Variants in ADCY2 observed in about 807,000 individuals in gnomAD.
ADCY2 encodes the protein adenylate cyclase type 2.
A neutral mutation model predicts 125.2 loss-of-function variants in ADCY2; 31 were observed. The ratio of observed to expected loss-of-function variants is 0.25; its 90% CI spans 0.19 to 0.33. The LOEUF is 0.33. Among genes scored for constraint, ADCY2 ranks in the 10% least tolerant of loss-of-function variants. ADCY2 has a pLI of 1.00. For missense variants in ADCY2, 904 were observed against 1,418.2 expected (o/e 0.64, Z 5.82); for synonymous variants, 512 against 548.4 (o/e 0.93, Z 0.93).
At chr5:7,499,915 C>G (rs1166803071) in intron 2 of ADCY2, among the ~76,000 whole-genome samples, 2 of 151,908 alleles carry the variant, frequency 1.3e-5, no homozygotes, top group African/African-American at 4.8e-5. Context: ...ATGGGCTTAA[C>G]TCACTTATAA....
At chr5:7,817,252 T>C (rs1404469813) in intron 23 of ADCY2, among the ~76,000 whole-genome samples, 1 of 152,210 alleles carries the variant, frequency 6.6e-6, no homozygotes, top group African/African-American at 2.4e-5. Flanking sequence ...GCTGATTCAC[T>C]GTGAGACATC....
intron 16 of ADCY2, among the ~76,000 whole-genome samples, chr5:7,758,668 T>G (rs1374698011): frequency 2.0e-5 from 3 of 152,040 alleles, no homozygotes; most frequent in Non-Finnish European, 2.9e-5. Context: ...CTGGGTAACC[T>G]CATCATCAAG....
At chr5:7,516,421 C>T (rs141953594) in intron 2 of ADCY2, among the ~76,000 whole-genome samples, 114 of 152,212 alleles carry the variant, frequency 7.5e-4, no homozygotes, top group East Asian at 1.7e-3. Context: ...TTAGGAATTC[C>T]GGGCTTAACA....
At position 7,787,088 on chromosome 5, in the gene ADCY2, G is replaced by A. The variant is rs536842857; in HGVS notation, c.2470-2554G>A. Among the ~76,000 whole-genome samples, 6 of 152,272 alleles carry A rather than the reference G, an allele frequency of 3.9e-5. No individual in the cohort carries two copies. The East Asian group carries it at 1.2e-3, about 29-fold the overall frequency. On this transcript the variant is annotated intron_variant, in intron 19 of 24. Coordinates refer to ENST00000338316, the MANE Select transcript of ADCY2 (RefSeq NM_020546.3). ...TTCGGTGTCTCTTCATGGGATCTGG[G>A]CCCCTGAAAACCTGTAGAGTAGCCC...
intron 4 of ADCY2, among the ~76,000 whole-genome samples, chr5:7,678,588 T>C (rs780395879): frequency 6.6e-6 from 1 of 152,214 alleles, no homozygotes. Flanking sequence ...CAATCAGTTC[T>C]TCTAATGGAG....
chr5:7,760,813 T>C (rs746058322), intron 16 of ADCY2, among the ~76,000 whole-genome samples: 1 of 152,296 alleles, frequency 6.6e-6, no homozygotes, highest in Non-Finnish European at 1.5e-5. Flanking sequence ...CAGAATATTA[T>C]TAACTAAGTC....
Position 7,581,673 on chromosome 5 carries a change from T to C in ADCY2, c.571-44494T>C, listed in dbSNP as rs1012630038. Among the ~76,000 whole-genome samples the C allele has an allele frequency of 3.0e-3, 429 of 140,734 alleles. 1 individual carries two copies. The highest frequency in any genetic ancestry group is 0.01 in the African/African-American group (400 of 38,688). 92.3% of individuals were successfully genotyped at this position (140,734 alleles called of 152,430 possible). A position where few individuals can be genotyped will look rare whatever the true frequency, so the allele number is the denominator to read the frequency against. On this transcript the variant is annotated intron_variant, in intron 3 of 24. Coordinates refer to ENST00000338316, the MANE Select transcript of ADCY2 (RefSeq NM_020546.3). ...TCTCTACTAAAAATACAAAAAAAAA[T>C]CGCTGGGTTTGGTGGCACATGCCTG...
At chr5:7,635,399 G>A (rs1466432517) in intron 4 of ADCY2, among the ~76,000 whole-genome samples, 6 of 152,020 alleles carry the variant, frequency 3.9e-5, no homozygotes. Context: ...ATTTAGTATG[G>A]GTTACTTTTG....
intron 18 of ADCY2, among the ~76,000 whole-genome samples, chr5:7,777,781 G>T (rs902058309): frequency 6.6e-6 from 1 of 152,146 alleles, no homozygotes; most frequent in African/African-American, 2.4e-5. Flanking sequence ...ACTTCGTATC[G>T]ATGAATAGTT....
chr5:7,464,943 T>G (rs26738), intron 2 of ADCY2, among the ~76,000 whole-genome samples: 34,827 of 152,120 alleles, frequency 0.23, 4,420 homozygotes, highest in East Asian at 0.46. Flanking sequence ...TATGTGGCTA[T>G]GGAGGCCTCA....
In ADCY2 at chr5:7,802,644, C is replaced by T. The variant is rs1744632056; in HGVS notation, c.2775+280C>T. ...TGTGCTAGTGGATTCTTTACAAAGG[C>T]TTGAATTCGCGGTAAAATACTTGCC... On this transcript the variant is annotated intron_variant, in intron 21 of 24. Transcript: ENST00000338316. This position sits in a 1 kb window ranked among gnomAD's most constrained non-coding sequence, Gnocchi z 4.6. 6.6e-6 allele frequency among the ~76,000 whole-genome samples: 1 copy of T among 152,126 alleles called. No homozygotes were observed. The highest frequency in any genetic ancestry group is 1.5e-5 in the Non-Finnish European group (1 of 68,020).
At chr5:7,655,804 G>A (rs1045723370) in intron 4 of ADCY2, among the ~76,000 whole-genome samples, 1 of 152,176 alleles carries the variant, frequency 6.6e-6, no homozygotes, top group Non-Finnish European at 1.5e-5. Flanking sequence ...ACAGTTAGAT[G>A]GTGTAGGAAT....
chr5:7,800,969 C>T (rs1272321763), intron 20 of ADCY2: 1 of 152,162 alleles, frequency 6.6e-6, no homozygotes, highest in African/African-American at 2.4e-5. Context: ...GAAAAGAAAA[C>T]CTTGATTTCG....
intron 4 of ADCY2, among the ~76,000 whole-genome samples, chr5:7,663,962 C>T (rs1462016629): frequency 2.0e-5 from 3 of 152,150 alleles, no homozygotes; most frequent in Admixed American, 6.5e-5. Context: ...AGAGGATTTC[C>T]GAAGTGTGAC....
intron 16 of ADCY2, among the ~76,000 whole-genome samples, chr5:7,758,186 T>G (rs968083858): frequency 6.6e-6 from 1 of 152,144 alleles, no homozygotes; most frequent in Non-Finnish European, 1.5e-5. Flanking sequence ...TCTACCAAGG[T>G]GGTTCTAAGG....
chr5:7,409,398 AAAAT>A (rs1469934125), intron 1 of ADCY2, among the ~76,000 whole-genome samples: 6 of 152,242 alleles, frequency 3.9e-5, no homozygotes, highest in Non-Finnish European at 5.9e-5. Flanking sequence ...AAAATAAAAT[AAAAT>A]AAAATTCACA....
intron 3 of ADCY2, among the ~76,000 whole-genome samples, chr5:7,574,478 AAAAC>A (rs747723396): frequency 2.3e-4 from 35 of 152,190 alleles, no homozygotes; most frequent in Admixed American, 3.9e-4. Context: ...CAAGAGAAAA[AAAAC>A]AAACCCATGG....
At chr5:7,457,846 G>A (rs936461720) in intron 2 of ADCY2, among the ~76,000 whole-genome samples, 15 of 152,158 alleles carry the variant, frequency 9.9e-5, no homozygotes, top group African/African-American at 1.9e-4. Flanking sequence ...TTACCACGTC[G>A]TCCTGTTATC....
intron 3 of ADCY2, among the ~76,000 whole-genome samples, chr5:7,559,517 A>G (rs1340695544): frequency 1.3e-5 from 2 of 152,184 alleles, no homozygotes; most frequent in Non-Finnish European, 2.9e-5. Flanking sequence ...ACTATTGCAC[A>G]TTGATTTTAT....
Sources: gnomAD v4.1 joint callset for allele counts (sites outside exome capture counted in the v4.1 genomes callset) on GRCh38, gnomAD v4.1.1 for gene constraint, Gnocchi (gnomAD v3.1) non-coding constraint, MANE v1.5 for transcripts, NCBI Gene and HGNC (gene_info 2026-07-23, HGNC 2026-07-21) for gene names.